The following THBS2 variants were observed in gnomAD, a reference collection of about 807,000 sequenced individuals.
The protein encoded by THBS2 is thrombospondin 2.
A neutral mutation model predicts 135.2 loss-of-function variants in THBS2; 47 were observed. The observed-to-expected ratio is 0.35, with a 90% CI of 0.28 to 0.44. The LOEUF (loss-of-function observed/expected upper bound fraction) is 0.44. Ranked by LOEUF, THBS2 falls within the 20% of genes least tolerant of loss-of-function variation. THBS2 has a pLI of 1.00. For missense variants in THBS2, 1,288 were observed against 1,603.1 expected (o/e 0.80, Z 3.36); for synonymous variants, 639 against 633.8 (o/e 1.01, Z -0.12).
At position 169,216,240 on chromosome 6, in the gene THBS2, A is replaced by G. The variant is rs1779166077; in HGVS notation, c.*1582T>C. The stretch of plus-strand genomic sequence containing the variant: ...AAAATGCAATGTGTACATTAAGACT[A>G]AAGTTATGGATTGTTCCTGTTTGGC... On this transcript the variant is annotated 3_prime_UTR_variant, in exon 22 of 22. Transcript: ENST00000617924. 1 of 152,252 alleles carries G rather than the reference A, an allele frequency of 6.6e-6. No homozygotes were observed. Among genetic ancestry groups the G allele is most frequent in the South Asian group, 2.1e-4 (1 of 4,834 alleles). 9.4% of individuals were successfully genotyped at this position (152,252 alleles called of 1,614,324 possible).
rs201894756 is a variant in THBS2, at chr6:169,217,839, G to A, written c.3512-10C>T. ...AATCTTGTTTAAATATCTACAAAAA[G>A]AAAAAAAAAAGCAATAAACAATTAG... On this transcript the variant is annotated splice_polypyrimidine_tract_variant and intron_variant, in intron 21 of 21. Transcript: ENST00000617924. 19 of 1,568,772 alleles carry A rather than the reference G, an allele frequency of 1.2e-5. No individual in the cohort carries two copies. The highest frequency in any genetic ancestry group is 5.2e-5 in the Admixed American group (3 of 57,210).
Position 169,236,616 on chromosome 6 carries a change from G to A in THBS2, c.1477+554C>T, listed in dbSNP as rs1231024974. On this transcript the variant is annotated intron_variant, in intron 9 of 21. Transcript: ENST00000617924. Reference sequence around the variant, plus strand: ...TCCACACTCATTCCCATCCACACTCGCCATCCACACTCACTCCCATCCACA... The same window carrying A: ...TCCACACTCATTCCCATCCACACTCACCATCCACACTCACTCCCATCCACA... Among the ~76,000 whole-genome samples the A allele has an allele frequency of 2.0e-3, 71 of 35,824 alleles. No individual in the cohort carries two copies. In the East Asian group the frequency reaches 0.021, roughly 10 times the overall value. The allele number at this position is 35,824 out of a possible 152,430, so 23.5% of individuals were successfully genotyped here.
In THBS2 at chr6:169,239,621, T is replaced by C. The variant is rs1780221174; in HGVS notation, c.1107A>G (p.Glu369=). The C allele has an allele frequency of 1.2e-6, 2 of 1,603,904 alleles. No homozygotes were observed. The highest frequency in any genetic ancestry group is 1.7e-6 in the Non-Finnish European group (2 of 1,176,192). Residue 369 remains glutamate, a synonymous_variant, in exon 7 of 22, where the codon GAA becomes GAG. Coordinates refer to ENST00000617924, the MANE Select transcript of THBS2 (RefSeq NM_003247.5). ...CACAGTGGAGGCAGGAAGGGCAGCA[T>C]TCGCCTTCCACAAAGGATGGACTGG... ...TCASPSFVEG[E]CCPSCLHSVD... is the part of the protein sequence containing the mutation.
chr6:169,227,443 A>T (rs1414826265), intron 15 of THBS2, among the ~76,000 whole-genome samples: 1 of 152,190 alleles, frequency 6.6e-6, no homozygotes, highest in Non-Finnish European at 1.5e-5. Context: ...CACCCACGTT[A>T]TTCTAACTCC....
intron 3 of THBS2, among the ~76,000 whole-genome samples, chr6:169,247,522 A>G (rs1780592312): frequency 7.9e-6 from 1 of 126,868 alleles, no homozygotes; most frequent in South Asian, 2.5e-4. Context: ...TCATGTGTTT[A>G]TGTGTGGGGG....
chr6:169,233,118 T>A (rs1779909870), intron 10 of THBS2, 101 bp from the exon 11 acceptor site: 2 of 1,406,036 alleles, frequency 1.4e-6, no homozygotes, highest in South Asian at 3.0e-5. Context: ...GTCTTTGTCA[T>A]CGAATTGTGT....
At chr6:169,248,010 C>T (rs1780611716) in intron 3 of THBS2, among the ~76,000 whole-genome samples, 1 of 151,176 alleles carries the variant, frequency 6.6e-6, no homozygotes, top group African/African-American at 2.4e-5. Context: ...AGGGTGTGTT[C>T]ACATGCATGT....
intron 4 of THBS2, among the ~76,000 whole-genome samples, chr6:169,245,808 A>T (rs1780538209): frequency 6.6e-6 from 1 of 151,602 alleles, no homozygotes; most frequent in African/African-American, 2.4e-5. Context: ...AAAAAAAAAA[A>T]AGAAAACTTC....
intron 16 of THBS2, 62 bp downstream of exon 16, chr6:169,226,118 C>A: frequency 6.8e-7 from 1 of 1,476,372 alleles, no homozygotes; most frequent in Non-Finnish European, 9.4e-7. Context: ...CCCCACACCG[C>A]CACCGTCCCC....
intron 13 of THBS2, among the ~76,000 whole-genome samples, chr6:169,231,299 C>G (rs1011115177): frequency 6.6e-6 from 1 of 152,192 alleles, no homozygotes; most frequent in Non-Finnish European, 1.5e-5. Flanking sequence ...GTGAAGCCGA[C>G]CAGAGGTCAG....
chr6:169,249,006 G>T (rs1780664898), intron 2 of THBS2, 33 bp from the exon 3 acceptor site: 1 of 1,565,346 alleles, frequency 6.4e-7, no homozygotes, highest in Non-Finnish European at 8.7e-7. Context: ...GAAGGGTGAC[G>T]TAGGGGAAGA....
intron 18 of THBS2, among the ~76,000 whole-genome samples, chr6:169,223,022 C>G (rs568928727): frequency 8.5e-5 from 13 of 152,058 alleles, no homozygotes; most frequent in Non-Finnish European, 1.5e-4. Context: ...TAGACCAAGT[C>G]TATAAAATAA....
intron 13 of THBS2, among the ~76,000 whole-genome samples, chr6:169,229,892 C>T (rs949335312): frequency 5.3e-5 from 8 of 152,070 alleles, no homozygotes; most frequent in South Asian, 2.1e-4. Flanking sequence ...CCACTACTCA[C>T]GAGGGAGACA....
chr6:169,247,426 T>C (rs1248511770), intron 3 of THBS2, among the ~76,000 whole-genome samples: 1 of 152,178 alleles, frequency 6.6e-6, no homozygotes, highest in African/African-American at 2.4e-5. Context: ...TTTGTGTGTA[T>C]GTATACGTGT....
intron 21 of THBS2, 115 bp downstream of exon 21, chr6:169,220,083 A>G (rs977935424): frequency 9.8e-6 from 13 of 1,322,648 alleles, no homozygotes; most frequent in African/African-American, 7.3e-5. Flanking sequence ...GGTATTGTGC[A>G]TTAGGTTTAT....
At chr6:169,239,090 C>A (rs890517688) in intron 7 of THBS2, 1 of 153,690 alleles carries the variant, frequency 6.5e-6, no homozygotes, top group East Asian at 1.9e-4. Flanking sequence ...GGCCCAGGAA[C>A]CCCCAGGGTG....
intron 13 of THBS2, among the ~76,000 whole-genome samples, chr6:169,231,330 C>T (rs996799630): frequency 1.3e-5 from 2 of 152,180 alleles, no homozygotes; most frequent in African/African-American, 4.8e-5. Flanking sequence ...CCACCAGCGC[C>T]AGAAGCCCAG....
intron 3 of THBS2, among the ~76,000 whole-genome samples, chr6:169,248,198 GCATGTGTGCA>G (rs2115033928): frequency 6.6e-6 from 1 of 152,090 alleles, no homozygotes; most frequent in South Asian, 2.1e-4. Flanking sequence ...TGGTGTGTGT[GCATGTGTGCA>G]CATGCCTGTG....
intron 10 of THBS2, chr6:169,234,434 C>T: frequency 3.4e-6 from 1 of 297,584 alleles, no homozygotes; most frequent in Non-Finnish European, 6.2e-6. Context: ...CCACATTCCA[C>T]AGGCCACGCC....
Sources: gnomAD v4.1 joint callset for allele counts (sites outside exome capture counted in the v4.1 genomes callset) on GRCh38, gnomAD v4.1.1 for gene constraint, MANE v1.5 for transcripts, NCBI Gene and HGNC (gene_info 2026-07-23, HGNC 2026-07-21) for gene names.